Variants in CD109 observed in about 807,000 individuals in gnomAD.
CD109 encodes CD109 antigen.
Under a neutral mutation model 165.8 loss-of-function variants are expected in CD109, and 149 were observed. The observed-to-expected ratio is 0.90, with a 90% CI of 0.79 to 1.03. The LOEUF (loss-of-function observed/expected upper bound fraction) is 1.03. CD109 is among the 50% of genes least tolerant of loss of function. The probability of loss-of-function intolerance (pLI) is 0.00; values close to 1 mark genes in which losing one functional copy is unlikely to be tolerated. For missense variants in CD109, 1,712 were observed against 1,677.8 expected, an observed-to-expected ratio of 1.02 and a Z score of -0.36; for synonymous variants, 585 against 592.1, an observed-to-expected ratio of 0.99 and a Z score of 0.18.
At chr6:73,762,992 G>A (rs1186837960) in intron 9 of CD109, 110 bp downstream of exon 9, 13 of 963,080 alleles carry the variant, frequency 1.3e-5, no homozygotes, top group African/African-American at 1.7e-5. Context: ...TTCTAAAGAT[G>A]CTATTTAATG....
chr6:73,772,887 ATCTTT>A (rs1446630253), intron 15 of CD109, among the ~76,000 whole-genome samples: 3 of 151,028 alleles, frequency 2.0e-5, no homozygotes, highest in Admixed American at 1.3e-4. Flanking sequence ...ATTTTTTTCA[ATCTTT>A]TCTTTTTTTT....
At chr6:73,802,314 T>A (rs1210714889) in intron 23 of CD109, among the ~76,000 whole-genome samples, 41 of 140,778 alleles carry the variant, frequency 2.9e-4, no homozygotes, top group Non-Finnish European at 5.7e-4. Context: ...TATTTTTTTT[T>A]TTTTTTTTTT....
intron 3 of CD109, among the ~76,000 whole-genome samples, chr6:73,727,021 T>C (rs1471908767): frequency 6.6e-6 from 1 of 152,116 alleles, no homozygotes; most frequent in African/African-American, 2.4e-5. Flanking sequence ...TCGGGAACCT[T>C]TTTCAGTAAC....
In CD109 at chr6:73,811,189, T is replaced by C. The variant is rs201223582; in HGVS notation, c.3702+42T>C. ...GTTATTTAAAAATCAGTGTAGACAA[T>C]TCTTTATGCTGGAATACTGCTTTAT... On this transcript the variant is annotated intron_variant, in intron 28 of 32. Transcript: ENST00000287097. The C allele has an allele frequency of 1.2e-5, 19 of 1,581,506 alleles. No homozygotes were observed. In the African/African-American group the frequency reaches 2.2e-4, roughly 18 times the overall value.
chr6:73,746,711 C>T (rs1223926109), intron 5 of CD109, among the ~76,000 whole-genome samples: 1 of 151,984 alleles, frequency 6.6e-6, no homozygotes, highest in African/African-American at 2.4e-5. Flanking sequence ...GGATACCTGG[C>T]CACTATTCTG....
In CD109 at chr6:73,824,714, G is replaced by A. The variant is rs1776219379; in HGVS notation, c.*1081G>A. The A allele has an allele frequency of 6.6e-6, 1 of 152,218 alleles. No individual in the cohort carries two copies. The highest frequency in any genetic ancestry group is 2.4e-5 in the African/African-American group (1 of 41,552). The allele number at this position is 152,218 out of a possible 1,614,324, so 9.4% of individuals were successfully genotyped here. On this transcript the variant is annotated 3_prime_UTR_variant, in exon 33 of 33. Coordinates refer to ENST00000287097, the MANE Select transcript of CD109 (RefSeq NM_133493.5). Reference sequence around the variant, plus strand: ...CTTGCTGTGAACTTTTAAGATCCCCGAATCCTGAGCACCTCAATCTTTAAT... The same window carrying A: ...CTTGCTGTGAACTTTTAAGATCCCCAAATCCTGAGCACCTCAATCTTTAAT...
At chr6:73,808,461 TA>T (rs142093396) in intron 26 of CD109, among the ~76,000 whole-genome samples, 56 of 152,316 alleles carry the variant, frequency 3.7e-4, no homozygotes, top group African/African-American at 1.2e-3. Context: ...GATGTCTCTT[TA>T]TTTTAGATAT....
chr6:73,687,906 G>A, the CD109 span, among the ~76,000 whole-genome samples: 1 of 152,170 alleles, frequency 6.6e-6, no homozygotes, highest in Non-Finnish European at 1.5e-5. Flanking sequence ...CTGCAAACTT[G>A]GGATCTGAAG....
At chr6:73,748,885 A>C (rs910776240) in intron 5 of CD109, among the ~76,000 whole-genome samples, 5 of 152,228 alleles carry the variant, frequency 3.3e-5, no homozygotes, top group Non-Finnish European at 7.3e-5. Context: ...TCCTCTAAGT[A>C]GGACAGTGTA....
chr6:73,766,548 TATA>T (rs1773858484), intron 11 of CD109, among the ~76,000 whole-genome samples: 2 of 151,164 alleles, frequency 1.3e-5, no homozygotes, highest in Admixed American at 6.6e-5. Flanking sequence ...TATATATATA[TATA>T]TATTCCTTTC....
In CD109 at chr6:73,792,691, G is replaced by A. The variant is rs1347464093; in HGVS notation, c.2767G>A (p.Glu923Lys). The change falls in exon 23 of 33, where the codon GAA becomes AAA. Residue 923 changes from glutamate (E) to lysine (K), a missense_variant. Coordinates refer to ENST00000287097, the MANE Select transcript of CD109 (RefSeq NM_133493.5). ...GATTCGGATGCCTTATGGCTGTGGTGAACAGAACATGATAAATTTTGCTCC... is the reference window on the plus strand; with the variant it reads ...GATTCGGATGCCTTATGGCTGTGGTAAACAGAACATGATAAATTTTGCTCC... The part of the protein sequence containing the change: ...SLIRMPYGCG[E>K]QNMINFAPNI... The A allele has an allele frequency of 6.2e-7, 1 of 1,613,092 alleles. No individual in the cohort carries two copies. The highest frequency in any genetic ancestry group is 1.3e-5 in the African/African-American group (1 of 74,914).
At chr6:73,769,945 T>C (rs1224224935) in intron 14 of CD109, among the ~76,000 whole-genome samples, 2 of 152,178 alleles carry the variant, frequency 1.3e-5, no homozygotes, top group East Asian at 1.9e-4. Context: ...ACTATTGCAA[T>C]GGAAGAGAGA....
intron 21 of CD109, among the ~76,000 whole-genome samples, chr6:73,787,982 T>C (rs1361550673): frequency 2.0e-5 from 3 of 152,236 alleles, no homozygotes; most frequent in Non-Finnish European, 4.4e-5. Context: ...AGGGTTTTTT[T>C]CCTTACATTT....
intron 5 of CD109, among the ~76,000 whole-genome samples, chr6:73,748,130 A>C (rs1321329010): frequency 6.6e-6 from 1 of 152,096 alleles, no homozygotes; most frequent in African/African-American, 2.4e-5. Context: ...TCAACCTTAA[A>C]TATATTTCAA....
the CD109 span, among the ~76,000 whole-genome samples, chr6:73,684,226 T>G: frequency 6.6e-6 from 1 of 150,944 alleles, no homozygotes; most frequent in East Asian, 1.9e-4. Flanking sequence ...TCTTTCTTTT[T>G]TTTTTTTTTT....
At chr6:73,740,150 A>C (rs1004961363) in intron 5 of CD109, among the ~76,000 whole-genome samples, 1 of 152,158 alleles carries the variant, frequency 6.6e-6, no homozygotes, top group Non-Finnish European at 1.5e-5. Context: ...AAGTGCTGGG[A>C]TTACATGTGT....
chr6:73,722,972 A>G (rs1037977665), intron 2 of CD109, among the ~76,000 whole-genome samples: 6 of 152,254 alleles, frequency 3.9e-5, no homozygotes, highest in South Asian at 2.1e-4. Flanking sequence ...CAGCAGCAAC[A>G]ACGACAACAA....
chr6:73,783,177 A>G (rs1226709145), intron 18 of CD109, among the ~76,000 whole-genome samples: 1 of 152,218 alleles, frequency 6.6e-6, no homozygotes, highest in East Asian at 1.9e-4. Context: ...GAGAAGGGGC[A>G]TGGGTGGTGG....
chr6:73,728,938 T>C (rs987437453), intron 3 of CD109, among the ~76,000 whole-genome samples: 13 of 152,246 alleles, frequency 8.5e-5, no homozygotes, highest in Admixed American at 7.2e-4. Context: ...AACAATATGG[T>C]TGGGCATTTC....
Sources: gnomAD v4.1 joint callset for allele counts (sites outside exome capture counted in the v4.1 genomes callset) on GRCh38, gnomAD v4.1.1 for gene constraint, MANE v1.5 for transcripts, NCBI Gene and HGNC (gene_info 2026-07-23, HGNC 2026-07-21) for gene names.